Variants in MORC3 observed in about 807,000 individuals in gnomAD.
The protein encoded by MORC3 is MORC family CW-type zinc finger 3.
Under a neutral mutation model 109.1 loss-of-function variants are expected in MORC3, and 31 were observed. That is an observed-to-expected ratio of 0.28 (90% CI 0.21 to 0.38). The LOEUF is 0.38. MORC3 is among the 10% of genes least tolerant of loss of function. The probability of loss-of-function intolerance (pLI) is 1.00; values close to 1 mark genes in which losing one functional copy is unlikely to be tolerated. For synonymous variants in MORC3, 395 were observed against 380.7 expected, an observed-to-expected ratio of 1.04 and a Z score of -0.44; for missense variants, 867 against 1,135.8, an observed-to-expected ratio of 0.76 and a Z score of 3.40.
chr21:36,361,540 C>CAAAAAA (rs35441762), intron 12 of MORC3: 1 of 41,752 alleles, frequency 2.4e-5, no homozygotes, highest in African/African-American at 1.1e-4. Context: ...GACTCTGTCT[C>CAAAAAA]AAAAAAAAAA....
chr21:36,375,971 T>C lies in MORC3; in HGVS notation c.*675T>C, dbSNP rs2146349891. On this transcript the variant is annotated 3_prime_UTR_variant, in exon 17 of 17. Coordinates refer to ENST00000400485, the MANE Select transcript of MORC3 (RefSeq NM_015358.3). Reference sequence around the variant, plus strand: ...AACAGTCTTTAACAGAAAAAAGGTATTGAAATATTAAATGGCCACCAAGTT... The same window carrying C: ...AACAGTCTTTAACAGAAAAAAGGTACTGAAATATTAAATGGCCACCAAGTT... 1 of 152,360 alleles carries C rather than the reference T, an allele frequency of 6.6e-6. No individual in the cohort carries two copies. Among genetic ancestry groups the C allele is most frequent in the South Asian group, 2.1e-4 (1 of 4,830 alleles). 9.4% of individuals were successfully genotyped at this position (152,360 alleles called of 1,614,324 possible). A position where few individuals can be genotyped will look rare whatever the true frequency, so the allele number is the denominator to read the frequency against.
intron 6 of MORC3, among the ~76,000 whole-genome samples, chr21:36,342,914 G>A (rs2085466522): frequency 6.6e-6 from 1 of 151,552 alleles, no homozygotes; most frequent in Non-Finnish European, 1.5e-5. Flanking sequence ...AGCGGCTTGG[G>A]AGGCTGAGGC....
At chr21:36,345,067 A>C in intron 8 of MORC3, 36 bp downstream of exon 8, 1 of 1,557,242 alleles carries the variant, frequency 6.4e-7, no homozygotes, top group South Asian at 1.2e-5. Flanking sequence ...GAAAATGTCT[A>C]TTTTCCACAA....
chr21:36,339,135 T>A (rs891339035), intron 5 of MORC3: 31 of 427,598 alleles, frequency 7.2e-5, no homozygotes, highest in Non-Finnish European at 9.8e-5. Context: ...AAATTTTTTT[T>A]TGAGACGAAG....
At chr21:36,331,306 TG>T (rs1289805000) in intron 1 of MORC3, among the ~76,000 whole-genome samples, 4 of 152,182 alleles carry the variant, frequency 2.6e-5, no homozygotes, top group African/African-American at 9.7e-5. Context: ...TAAAACTACT[TG>T]TGTGTTTTTG....
intron 14 of MORC3, among the ~76,000 whole-genome samples, chr21:36,367,344 T>G (rs991360678): frequency 6.6e-6 from 1 of 152,202 alleles, no homozygotes; most frequent in African/African-American, 2.4e-5. Flanking sequence ...TAACTACTGC[T>G]AGTCAGTTTC....
chr21:36,375,127 A>G lies in MORC3; in HGVS notation c.2667-16A>G, dbSNP rs757737218. On this transcript the variant is annotated splice_polypyrimidine_tract_variant and intron_variant, in intron 16 of 16. Coordinates refer to ENST00000400485, the MANE Select transcript of MORC3 (RefSeq NM_015358.3). ...TTGTAATGCTCATCTAATAAGTTAC[A>G]TATTTGTATTTGCAGCCTCAAACTC... 1.0e-5 allele frequency: 16 copies of G among 1,603,976 alleles called. No homozygotes were observed. Among genetic ancestry groups the G allele is most frequent in the East Asian group, 2.2e-5 (1 of 44,756 alleles).
intron 1 of MORC3, among the ~76,000 whole-genome samples, chr21:36,331,072 A>G (rs2146291641): frequency 6.6e-6 from 1 of 152,336 alleles, no homozygotes. Flanking sequence ...TCCAGAAGCA[A>G]GTGTGGACAG....
chr21:36,338,453 C>G (rs2085397507), intron 4 of MORC3, among the ~76,000 whole-genome samples: 1 of 151,802 alleles, frequency 6.6e-6, no homozygotes, highest in Admixed American at 6.6e-5. Flanking sequence ...TTTGGGAGGC[C>G]AAGACAGAAG....
At chr21:36,339,052 AT>A in intron 5 of MORC3, 131 bp downstream of exon 5, 1 of 1,071,944 alleles carries the variant, frequency 9.3e-7, no homozygotes, top group Non-Finnish European at 1.3e-6. Context: ...GTAGTTACTG[AT>A]TTGTCTTTGC....
At chr21:36,359,507 C>CCGTGCCTT (rs2085687151) in intron 10 of MORC3, among the ~76,000 whole-genome samples, 1 of 151,818 alleles carries the variant, frequency 6.6e-6, no homozygotes, top group African/African-American at 2.4e-5. Context: ...GCATGAGCTA[C>CCGTGCCTT]CGTGCCTTGC....
chr21:36,327,307 C>A (rs1166671295), intron 1 of MORC3, among the ~76,000 whole-genome samples: 2 of 151,628 alleles, frequency 1.3e-5, no homozygotes, highest in Non-Finnish European at 2.9e-5. Context: ...CAGGCGCTCA[C>A]CACCACACCT....
chr21:36,320,420 G>A, intron 1 of MORC3, 117 bp downstream of exon 1: 1 of 1,048,590 alleles, frequency 9.5e-7, no homozygotes, highest in Non-Finnish European at 1.2e-6. Context: ...CGGGGGCTGC[G>A]GCGGGGCCCG....
At chr21:36,323,664 T>G (rs1311052665) in intron 1 of MORC3, among the ~76,000 whole-genome samples, 2 of 152,206 alleles carry the variant, frequency 1.3e-5, no homozygotes, top group African/African-American at 4.8e-5. Context: ...GGAAATTCTT[T>G]CCGAATTTTA....
intron 12 of MORC3, among the ~76,000 whole-genome samples, chr21:36,361,247 T>C (rs183514714): frequency 4.6e-5 from 7 of 151,838 alleles, no homozygotes; most frequent in Admixed American, 4.6e-4. Flanking sequence ...GTATTGGAAG[T>C]ATAGAAACCT....
Position 36,328,473 on chromosome 21 carries a change from C to G in MORC3, c.40-5173C>G, listed in dbSNP as rs558177729. Among the ~76,000 whole-genome samples the G allele has an allele frequency of 1.1e-3, 163 of 151,764 alleles. 1 individual carries two copies. The highest frequency in any genetic ancestry group is 3.4e-3 in the Middle Eastern group (1 of 290). On this transcript the variant is annotated intron_variant, in intron 1 of 16. Coordinates refer to ENST00000400485, the MANE Select transcript of MORC3 (RefSeq NM_015358.3). ...TCTCCCGCTTCAGCCTCCCCAGTAG[C>G]TGGGACACAGGCGCGCACCACCACG... is the stretch of plus-strand genomic sequence containing the variant.
Position 36,364,196 on chromosome 21 carries a change from C to T in MORC3, c.1556C>T (p.Ser519Phe), listed in dbSNP as rs751197224. 11 of 1,614,144 alleles carry T rather than the reference C, an allele frequency of 6.8e-6. No homozygotes were observed. Among genetic ancestry groups the T allele is most frequent in the Admixed American group, 3.3e-5 (2 of 60,014 alleles). ...AGACATCTTTCAGAAGGAACAAATTCTTATGCGACAAGACTTCTAAATAAT... is the reference window on the plus strand; with the variant it reads ...AGACATCTTTCAGAAGGAACAAATTTTTATGCGACAAGACTTCTAAATAAT... ...PRRHLSEGTN[S>F]YATRLLNNHQ... The change falls in exon 14 of 17, where the codon TCT (serine) becomes TTT (phenylalanine). Residue 519 changes from serine to phenylalanine, a missense_variant. By Grantham distance (155) the Ser-to-Phe change is radical. Coordinates refer to ENST00000400485, the MANE Select transcript of MORC3 (RefSeq NM_015358.3).
In MORC3 at chr21:36,369,092, A is replaced by G; in HGVS notation, c.1724A>G (p.Glu575Gly). ...GTTTATAAAGGTGATGATGATGATG[A>G]AGATGTCATCATCTTAGAAGAAAAC... ...NSVYKGDDDD[E>G]DVIILEENST... The change falls in exon 15 of 17, where the codon GAA becomes GGA. Residue 575 changes from glutamate (E) to glycine (G), a missense_variant. Physicochemically the swap from Glu to Gly is moderately conservative, Grantham distance 98 (BLOSUM62 -2). Transcript: ENST00000400485. The G allele has an allele frequency of 6.2e-7, 1 of 1,614,152 alleles. No homozygotes were observed. Among genetic ancestry groups the G allele is most frequent in the South Asian group, 1.1e-5 (1 of 91,074 alleles).
rs1569106982 is a variant in MORC3, at chr21:36,364,059, GT to G, written c.1453-32del. 1.9e-6 allele frequency: 3 copies of G among 1,593,738 alleles called. No homozygotes were observed. The South Asian group carries it at 3.4e-5, about 18-fold the overall frequency. On this transcript the variant is annotated intron_variant, in intron 13 of 16. Transcript: ENST00000400485. Reference sequence around the variant, plus strand: ...TTTTGGGCATGTCACACTAGAAATAGTTCCTTTAAGGTGATGATTTTTCCCT... The same window carrying G: ...TTTTGGGCATGTCACACTAGAAATAGTCCTTTAAGGTGATGATTTTTCCCT...
Sources: gnomAD v4.1 joint callset for allele counts (sites outside exome capture counted in the v4.1 genomes callset) on GRCh38, gnomAD v4.1.1 for gene constraint, MANE v1.5 for transcripts, NCBI Gene and HGNC (gene_info 2026-07-23, HGNC 2026-07-21) for gene names.